ARID4B: variants seen among roughly 807,000 people sequenced by gnomAD.
The protein encoded by ARID4B is AT-rich interactive domain-containing protein 4B.
ARID4B carries 26 observed loss-of-function variants against 147.5 expected under a neutral mutation model. The ratio of observed to expected loss-of-function variants is 0.18; its 90% confidence interval spans 0.13 to 0.24. The LOEUF is 0.24. Ranked by LOEUF, ARID4B falls within the 10% of genes least tolerant of loss-of-function variation. The pLI is 1.00. For missense variants in ARID4B, 1,179 were observed against 1,511.5 expected (o/e 0.78, Z 3.65); for synonymous variants, 512 against 507.9 (o/e 1.01, Z -0.11).
chr1:235,221,886 A>ATTTTTTTTTTTTTTTTT (rs768600040), intron 13 of ARID4B, among the ~76,000 whole-genome samples: 2 of 53,632 alleles, frequency 3.7e-5, no homozygotes, highest in African/African-American at 8.7e-5. Context: ...TCATTTGACT[A>ATTTTTTTTTTTTTTTTT]TTTTTTTTTT....
chr1:235,168,114 TA>T lies in ARID4B; in HGVS notation c.*410del, dbSNP rs1238893874. The T allele has an allele frequency of 2.1e-4, 44 of 212,020 alleles. No individual in the cohort carries two copies. Among genetic ancestry groups the T allele is most frequent in the Middle Eastern group, 3.2e-3 (2 of 634 alleles). 13.1% of individuals were successfully genotyped at this position (212,020 alleles called of 1,614,324 possible). ...CCTTGTACAAATGAAAATAGGTTCA[TA>T]TTTTTTCATAAATAAATGGAAAAAT... On this transcript the variant is annotated 3_prime_UTR_variant, in exon 24 of 24. Coordinates refer to ENST00000264183, the MANE Select transcript of ARID4B (RefSeq NM_016374.6).
intron 19 of ARID4B, among the ~76,000 whole-genome samples, chr1:235,193,645 T>C (rs901179122): frequency 5.3e-5 from 8 of 152,180 alleles, no homozygotes; most frequent in African/African-American, 1.7e-4. Flanking sequence ...GAGGCCTCAA[T>C]CAATGGCTGA....
At chr1:235,287,089 G>A (rs1326716197) in intron 2 of ARID4B, among the ~76,000 whole-genome samples, 1 of 152,064 alleles carries the variant, frequency 6.6e-6, no homozygotes, top group Non-Finnish European at 1.5e-5. Flanking sequence ...GTGAAACCCT[G>A]TCTCTACTAA....
rs1004283667 is a variant in ARID4B, at chr1:235,167,720, GAATA to G, written c.*801_*804del. ...AAATATAACTGTTATAATTCATTAT[GAATA>G]AATATACACTTTGAACTGGCTAAGT... On this transcript the variant is annotated 3_prime_UTR_variant, in exon 24 of 24. Coordinates refer to ENST00000264183, the MANE Select transcript of ARID4B (RefSeq NM_016374.6). 4 of 198,020 alleles carry G rather than the reference GAATA, an allele frequency of 2.0e-5. No individual in the cohort carries two copies. The highest frequency in any genetic ancestry group is 4.2e-5 in the Non-Finnish European group (4 of 95,512). 12.3% of individuals were successfully genotyped at this position (198,020 alleles called of 1,614,324 possible).
chr1:235,296,501 T>TCACACTATCACCCAGGCTAGGGTGC (rs1207710961), intron 2 of ARID4B, among the ~76,000 whole-genome samples: 2 of 151,934 alleles, frequency 1.3e-5, no homozygotes, highest in Admixed American at 1.3e-4. Context: ...AGACAGGGTC[T>TCACACTATCACCCAGGCTAGGGTGC]CACTCTATCA....
intron 16 of ARID4B, among the ~76,000 whole-genome samples, chr1:235,217,502 A>G (rs1039026181): frequency 3.3e-5 from 5 of 152,336 alleles, no homozygotes; most frequent in Middle Eastern, 3.4e-3. Context: ...AGAGAAGAAT[A>G]TCTTGGGAAA....
At chr1:235,187,763 A>T (rs1166982746) in intron 19 of ARID4B, among the ~76,000 whole-genome samples, 5 of 152,196 alleles carry the variant, frequency 3.3e-5, no homozygotes, top group Non-Finnish European at 7.3e-5. Flanking sequence ...GAAATATTTG[A>T]AATGTCTTCA....
At chr1:235,173,375 CA>C (rs1663510163) in intron 22 of ARID4B, among the ~76,000 whole-genome samples, 1 of 151,638 alleles carries the variant, frequency 6.6e-6, no homozygotes, top group African/African-American at 2.4e-5. Flanking sequence ...CAAAACAAAA[CA>C]AAAAACCTGG....
chr1:235,312,169 C>A (rs893275545), intron 2 of ARID4B, among the ~76,000 whole-genome samples: 2 of 152,040 alleles, frequency 1.3e-5, no homozygotes, highest in African/African-American at 4.8e-5. Context: ...ACCTGTAGTT[C>A]CAGCTACTCA....
At chr1:235,200,041 G>A (rs1011287305) in intron 17 of ARID4B, among the ~76,000 whole-genome samples, 16 of 150,944 alleles carry the variant, frequency 1.1e-4, no homozygotes, top group Admixed American at 6.6e-4. Flanking sequence ...TGGGGAGGCC[G>A]GGCACGGTGG....
intron 19 of ARID4B, among the ~76,000 whole-genome samples, chr1:235,185,052 A>G (rs184386761): frequency 1.3e-5 from 2 of 152,272 alleles, no homozygotes; most frequent in African/African-American, 4.8e-5. Context: ...CTTGACCCCA[A>G]GTGATCTGCT....
chr1:235,240,850 T>G (rs567574698), intron 7 of ARID4B, among the ~76,000 whole-genome samples: 1 of 152,256 alleles, frequency 6.6e-6, no homozygotes, highest in African/African-American at 2.4e-5. Flanking sequence ...CAAAGTTAAT[T>G]TTAAAAGGTA....
chr1:235,319,104 C>T (rs1317081231), intron 2 of ARID4B, among the ~76,000 whole-genome samples: 1 of 152,042 alleles, frequency 6.6e-6, no homozygotes, highest in Non-Finnish European at 1.5e-5. Flanking sequence ...GCCTAGGTAA[C>T]ACAGCAAGAC....
intron 2 of ARID4B, among the ~76,000 whole-genome samples, chr1:235,293,039 G>A (rs1672441176): frequency 6.6e-6 from 1 of 152,124 alleles, no homozygotes; most frequent in South Asian, 2.1e-4. Context: ...AAAACCTACA[G>A]GGCAGCAAAT....
At chr1:235,189,858 T>C (rs564508414) in intron 19 of ARID4B, among the ~76,000 whole-genome samples, 1 of 151,994 alleles carries the variant, frequency 6.6e-6, no homozygotes, top group South Asian at 2.1e-4. Context: ...CTGGGCAATA[T>C]AGTAACACCT....
chr1:235,182,921 T>C (rs938651570), intron 19 of ARID4B, 128 bp from the exon 20 acceptor site: 37 of 776,624 alleles, frequency 4.8e-5, no homozygotes, highest in Non-Finnish European at 6.7e-5. Flanking sequence ...TTTATCTCTA[T>C]GTAACATGCA....
intron 19 of ARID4B, chr1:235,187,077 C>CTT (rs11335836): frequency 7.7e-3 from 2,068 of 267,076 alleles, no homozygotes; most frequent in South Asian, 0.014. Context: ...GCATCTTATT[C>CTT]TTTTTTTTTT....
chr1:235,278,064 T>C (rs1671450210), intron 2 of ARID4B, among the ~76,000 whole-genome samples: 1 of 152,122 alleles, frequency 6.6e-6, no homozygotes, highest in East Asian at 1.9e-4. Context: ...CAAAGGCAAG[T>C]AGAAAGGGCC....
chr1:235,249,436 T>C (rs1226362420), intron 6 of ARID4B, among the ~76,000 whole-genome samples: 2 of 152,182 alleles, frequency 1.3e-5, no homozygotes, highest in East Asian at 1.9e-4. Flanking sequence ...CTACAGATGT[T>C]AGGCAGCAGG....
Sources: allele counts gnomAD v4.1 joint callset (sites outside exome capture counted in the v4.1 genomes callset), GRCh38; gene constraint gnomAD v4.1.1; transcripts MANE v1.5; gene names NCBI Gene and HGNC (gene_info 2026-07-23, HGNC 2026-07-21).